TRIM77: variants seen among roughly 807,000 people sequenced by gnomAD.
The protein encoded by TRIM77 is tripartite motif containing 77.
Under a neutral mutation model 31.8 loss-of-function variants are expected in TRIM77, and 23 were observed. The observed-to-expected ratio is 0.72, with a 90% confidence interval of 0.52 to 1.02. The LOEUF is 1.02. Ranked by LOEUF, TRIM77 falls within the 50% of genes least tolerant of loss-of-function variation. TRIM77 has a pLI of 0.00. For synonymous variants in TRIM77, 159 were observed against 183.1 expected (o/e 0.87, Z 1.06); for missense variants, 446 against 539.2 (o/e 0.83, Z 1.71).
chr11:89,713,455 CAATAATAATAATAAT>C (rs71052248), intron 2 of TRIM77, among the ~76,000 whole-genome samples: 1,704 of 122,378 alleles, frequency 0.014, 16 homozygotes, highest in Non-Finnish European at 0.019. Flanking sequence ...GACCTTGTCT[CAATAATAATAATAAT>C]AATAATAATA....
In TRIM77 at chr11:89,717,746, G is replaced by A; in HGVS notation, c.1227G>A (p.Val409=). The change falls in exon 6 of 6, where the codon GTG becomes GTA. Residue 409 remains valine (V), a synonymous_variant. Transcript: ENST00000398290. ...CAAGGCCCCAAGGCTGGCTAGGGGT[G>A]TTCCTGGATTATGAATGTGGGATAG... ...YIPRPQGWLG[V]FLDYECGIVS... is the part of the protein sequence containing the mutation. 7 of 1,551,278 alleles carry A rather than the reference G, an allele frequency of 4.5e-6. No homozygotes were observed. Among genetic ancestry groups the A allele is most frequent in the Non-Finnish European group, 6.1e-6 (7 of 1,146,718 alleles).
chr11:89,712,063 G>A (rs1949126337), intron 2 of TRIM77, among the ~76,000 whole-genome samples: 1 of 152,204 alleles, frequency 6.6e-6, no homozygotes, highest in South Asian at 2.1e-4. Context: ...GGTCTAGAAT[G>A]TGAATGCTTA....
chr11:89,713,143 G>A lies in TRIM77; in HGVS notation c.508-1049G>A, dbSNP rs577995022. 9.9e-5 allele frequency among the ~76,000 whole-genome samples: 15 copies of A among 151,806 alleles called. No individual in the cohort carries two copies. The South Asian group carries it at 1.7e-3, about 17-fold the overall frequency. On this transcript the variant is annotated intron_variant, in intron 2 of 5. Coordinates refer to ENST00000398290, the MANE Select transcript of TRIM77 (RefSeq NM_001146162.1). Reference sequence around the variant, plus strand: ...AAAAATTAGCTGGGCATGGTGGTGTGCGCCTGTAGTCCCAGCTACTTAGGA... The same window carrying A: ...AAAAATTAGCTGGGCATGGTGGTGTACGCCTGTAGTCCCAGCTACTTAGGA...
chr11:89,714,416 G>A lies in TRIM77; in HGVS notation c.732G>A (p.Leu244=). The change falls in exon 3 of 6, where the codon CTG becomes CTA. Residue 244 remains leucine, a synonymous_variant. Transcript: ENST00000398290. ...TGAGCTGTAAAGCAGATGTGAACCT[G>A]CCTCAGGTAAAAACTGAAGGAGATC... The part of the protein sequence containing the change: ...KEMSCKADVN[L]PQDLGDVMKR... The A allele has an allele frequency of 4.5e-6, 7 of 1,550,028 alleles. No homozygotes were observed. Among genetic ancestry groups the A allele is most frequent in the Non-Finnish European group, 6.1e-6 (7 of 1,146,132 alleles).
At chr11:89,715,266 GA>G (rs1949152866) in intron 4 of TRIM77, 86 bp downstream of exon 4, 1 of 1,233,148 alleles carries the variant, frequency 8.1e-7, no homozygotes, top group African/African-American at 1.5e-5. Context: ...TTTTAGTGAG[GA>G]ATTTCTGTCT....
Position 89,710,619 on chromosome 11 carries a change from T to C in TRIM77, c.321T>C (p.Asp107=), listed in dbSNP as rs1170851337. 1.9e-6 allele frequency: 3 copies of C among 1,551,318 alleles called. No homozygotes were observed. Among genetic ancestry groups the C allele is most frequent in the Non-Finnish European group, 2.6e-6 (3 of 1,146,826 alleles). ...TCAAGAACCTCATCTGTGAAACTGA[T>C]AGGAGCCTGCTGTGTTTTCTATGCT... ...QEIKNLICET[D]RSLLCFLCSQ... Residue 107 remains aspartate, a synonymous_variant, in exon 1 of 6, where the codon GAT becomes GAC. Coordinates refer to ENST00000398290, the MANE Select transcript of TRIM77 (RefSeq NM_001146162.1).
At chr11:89,711,947 GAAAAGCGGT>G (rs918216389) in intron 2 of TRIM77, among the ~76,000 whole-genome samples, 11 of 152,120 alleles carry the variant, frequency 7.2e-5, no homozygotes, top group African/African-American at 2.7e-4. Context: ...CTGAAAGTTA[GAAAAGCGGT>G]AAAATTATTT....
At chr11:89,716,821 A>G (rs761943846) in intron 5 of TRIM77, among the ~76,000 whole-genome samples, 6 of 151,074 alleles carry the variant, frequency 4.0e-5, no homozygotes, top group Non-Finnish European at 7.4e-5. Context: ...AAGTATAATT[A>G]ATAATATTTT....
Position 89,710,701 on chromosome 11 carries a change from T to C in TRIM77, c.403T>C (p.Tyr135His). The C allele has an allele frequency of 6.5e-7, 1 of 1,530,830 alleles. No homozygotes were observed. The highest frequency in any genetic ancestry group is 8.8e-7 in the Non-Finnish European group (1 of 1,135,348). 94.8% of individuals were successfully genotyped at this position (1,530,830 alleles called of 1,614,324 possible). Reference sequence around the variant, plus strand: ...CTATATGACAAGGGAGGCTGATGAATACTATAGGGTAAGTAAATGCTACTG... The same window carrying C: ...CTATATGACAAGGGAGGCTGATGAACACTATAGGGTAAGTAAATGCTACTG... ...KHYMTREADE[Y>H]YRKKLLIQMK... is the part of the protein sequence containing the mutation. The change falls in exon 1 of 6, where the codon TAC (tyrosine) becomes CAC (histidine). Residue 135 changes from tyrosine (Y) to histidine (H), a missense_variant. By Grantham distance (83) the Tyr-to-His change is moderately conservative. This residue lies in a region of TRIM77 where 366 missense variants were observed against 447.9 expected (regional missense o/e 0.82). Transcript: ENST00000398290.
At chr11:89,710,768 A>T (rs1949117349) in intron 1 of TRIM77, 59 bp downstream of exon 1, 3 of 1,290,690 alleles carry the variant, frequency 2.3e-6, no homozygotes, top group Admixed American at 5.6e-5. Context: ...CCTACAGGTA[A>T]TACGGAAAGA....
intron 1 of TRIM77, 22 bp downstream of exon 1, chr11:89,710,731 C>G: frequency 1.3e-6 from 2 of 1,489,316 alleles, no homozygotes; most frequent in Non-Finnish European, 1.8e-6. Flanking sequence ...CTACTGATTG[C>G]ACTTTGAAAT....
chr11:89,713,354 G>T (rs1337645184), intron 2 of TRIM77, among the ~76,000 whole-genome samples: 43 of 149,314 alleles, frequency 2.9e-4, no homozygotes, highest in African/African-American at 1.0e-3. Flanking sequence ...TACTCAAGAG[G>T]CTGAGGAGGA....
At position 89,717,495 on chromosome 11, in the gene TRIM77, C is replaced by T; in HGVS notation, c.976C>T (p.Gln326Ter). The change falls in exon 6 of 6, where the codon CAG becomes TAG. Residue 326 changes from glutamine (Q) to a stop codon, truncating the protein, a stop_gained. Transcript: ENST00000398290. LOFTEE classifies it low-confidence loss of function (END_TRUNC). Reference sequence around the variant, plus strand: ...CATGTCCTGTAATCCAACAAGTACACAGTATACTTCTTCATGGGGAGCTCA... The same window carrying T: ...CATGTCCTGTAATCCAACAAGTACATAGTATACTTCTTCATGGGGAGCTCA... ...TDMSCNPTST[Q>*]YTSSWGAQIL... 1 of 1,551,584 alleles carries T rather than the reference C, an allele frequency of 6.4e-7. No individual in the cohort carries two copies. Among genetic ancestry groups the T allele is most frequent in the Non-Finnish European group, 8.7e-7 (1 of 1,146,908 alleles).
Position 89,714,355 on chromosome 11 carries a change from T to C in TRIM77, c.671T>C (p.Ile224Thr), listed in dbSNP as rs1227580336. ...RSQTRMAKMG[I>T]LLREMYEKLK... ...CAAACTAGAATGGCTAAGATGGGTATACTCCTGAGAGAAATGTATGAGAAA... is the reference window on the plus strand; with the variant it reads ...CAAACTAGAATGGCTAAGATGGGTACACTCCTGAGAGAAATGTATGAGAAA... Residue 224 changes from isoleucine (I) to threonine (T), a missense_variant, in exon 3 of 6, where the codon ATA becomes ACA. By Grantham distance (89) the Ile-to-Thr change is moderately conservative (BLOSUM62 -1). Coordinates refer to ENST00000398290, the MANE Select transcript of TRIM77 (RefSeq NM_001146162.1). 6.4e-7 allele frequency: 1 copy of C among 1,551,594 alleles called. No individual in the cohort carries two copies. Among genetic ancestry groups the C allele is most frequent in the African/African-American group, 1.4e-5 (1 of 73,026 alleles).
chr11:89,716,846 T>A (rs1403967457), intron 5 of TRIM77, among the ~76,000 whole-genome samples: 1 of 134,882 alleles, frequency 7.4e-6, no homozygotes, highest in African/African-American at 2.5e-5. Context: ...ATTTTTAGTA[T>A]GTTTTTTTAT....
Position 89,717,585 on chromosome 11 carries a change from G to A in TRIM77, c.1066G>A (p.Gly356Arg), listed in dbSNP as rs1484259819. Reference protein sequence around the residue: ...DVKDSCNWVIGLCREAWTKRN... With the variant: ...DVKDSCNWVIRLCREAWTKRN... ...GAAAGACTCTTGTAATTGGGTTATA[G>A]GACTTTGCAGAGAAGCCTGGACAAA... is the stretch of plus-strand genomic sequence containing the variant. Residue 356 changes from glycine (G) to arginine (R), a missense_variant, in exon 6 of 6, where the codon GGA becomes AGA. Gly to Arg is a moderately radical substitution (Grantham distance 125, BLOSUM62 -2). Coordinates refer to ENST00000398290, the MANE Select transcript of TRIM77 (RefSeq NM_001146162.1). 3.9e-6 allele frequency: 6 copies of A among 1,551,348 alleles called. No individual in the cohort carries two copies. In the African/African-American group the frequency reaches 8.2e-5, roughly 21 times the overall value.
chr11:89,713,227 G>A lies in TRIM77; in HGVS notation c.508-965G>A, dbSNP rs562159001. 3.7e-5 allele frequency among the ~76,000 whole-genome samples: 5 copies of A among 136,176 alleles called. 1 individual carries two copies. The highest frequency in any genetic ancestry group is 8.3e-5 in the Admixed American group (1 of 12,016). The allele number at this position is 136,176 out of a possible 152,430, so 89.3% of individuals were successfully genotyped here. On this transcript the variant is annotated intron_variant, in intron 2 of 5. Transcript: ENST00000398290. ...GGAGGCAGAGGTTGCAGTGAGCTGA[G>A]ATCATGCCACTGCACTCCAGCCTGG...
intron 1 of TRIM77, among the ~76,000 whole-genome samples, chr11:89,710,956 T>G (rs1027564506): frequency 6.6e-6 from 1 of 152,180 alleles, no homozygotes; most frequent in African/African-American, 2.4e-5. Context: ...ATAAAGTTGA[T>G]GAGCATTAGG....
At chr11:89,717,098 T>C (rs1481217507) in intron 5 of TRIM77, among the ~76,000 whole-genome samples, 1 of 152,128 alleles carries the variant, frequency 6.6e-6, no homozygotes, top group East Asian at 1.9e-4. Flanking sequence ...TCTGATATAC[T>C]CTGTATGCCA....
Sources: allele counts gnomAD v4.1 joint callset (sites outside exome capture counted in the v4.1 genomes callset), GRCh38; gene constraint gnomAD v4.1.1; regional missense constraint gnomAD v4.1.1; transcripts MANE v1.5; gene names NCBI Gene and HGNC (gene_info 2026-07-23, HGNC 2026-07-21).